The following BCL7A variants were observed in gnomAD, a reference collection of about 807,000 sequenced individuals.
BCL7A encodes the protein B-cell CLL/lymphoma 7 protein family member A.
A neutral mutation model predicts 28.4 loss-of-function variants in BCL7A; 11 were observed. The observed-to-expected ratio is 0.39, with a 90% CI of 0.24 to 0.64. The LOEUF (loss-of-function observed/expected upper bound fraction) is 0.64, where lower values mean the gene tolerates loss of function less well. BCL7A is among the 30% of genes least tolerant of loss of function. The pLI, the probability that BCL7A is intolerant of heterozygous loss-of-function variation, is 0.50. For synonymous variants in BCL7A, 123 were observed against 103.3 expected (o/e 1.19, Z -1.15); for missense variants, 222 against 274.8 (o/e 0.81, Z 1.36).
chr12:122,029,979 T>C lies in BCL7A; in HGVS notation c.93-721T>C, dbSNP rs1010964725. Among the ~76,000 whole-genome samples, 4 of 152,146 alleles carry C rather than the reference T, an allele frequency of 2.6e-5. No individual in the cohort carries two copies. On this transcript the variant is annotated intron_variant, in intron 1 of 5. Coordinates refer to ENST00000261822, the MANE Select transcript of BCL7A (RefSeq NM_001024808.3). The surrounding 1 kb of genome is among the most constrained non-coding windows in gnomAD (Gnocchi z 4.3). Reference sequence around the variant, plus strand: ...GTAAGTTTCTCCTCATCCATAAACCTGCCTCTCACAGTGGGGGGTCTGGAC... The same window carrying C: ...GTAAGTTTCTCCTCATCCATAAACCCGCCTCTCACAGTGGGGGGTCTGGAC...
Position 122,047,369 on chromosome 12 carries a change from A to C in BCL7A, c.439+3316A>C, listed in dbSNP as rs142474357. The stretch of plus-strand genomic sequence containing the variant: ...AAACCCCGTCTCTACTAAAAATACA[A>C]AAAAATTATCCGGGCATGGTATTGG... On this transcript the variant is annotated intron_variant, in intron 4 of 5. Transcript: ENST00000261822. Among the ~76,000 whole-genome samples the C allele has an allele frequency of 3.3e-3, 497 of 151,790 alleles. 4 individuals carry two copies. The highest frequency in any genetic ancestry group is 0.011 in the African/African-American group (464 of 41,448).
chr12:122,057,539 G>A (rs1453499509), intron 5 of BCL7A, among the ~76,000 whole-genome samples: 1 of 152,192 alleles, frequency 6.6e-6, no homozygotes, highest in Non-Finnish European at 1.5e-5. Context: ...TGGAGGGGGG[G>A]TGCGGGCGGA....
intron 5 of BCL7A, among the ~76,000 whole-genome samples, chr12:122,056,403 C>T: frequency 6.6e-6 from 1 of 152,122 alleles, no homozygotes. Context: ...GGGCCTCTTC[C>T]ACCATTTTCA....
chr12:122,055,322 C>A (rs760917298), intron 5 of BCL7A, among the ~76,000 whole-genome samples: 1 of 152,182 alleles, frequency 6.6e-6, no homozygotes, highest in Non-Finnish European at 1.5e-5. Context: ...TCCGACGGAG[C>A]GGTGCTGCTG....
At chr12:122,027,371 G>A (rs896310550) in intron 1 of BCL7A, among the ~76,000 whole-genome samples, 17 of 152,166 alleles carry the variant, frequency 1.1e-4, no homozygotes, top group African/African-American at 4.1e-4. Flanking sequence ...CTGGTTGTTT[G>A]CCATCCTAAA....
At position 122,022,004 on chromosome 12, in the gene BCL7A, G is replaced by A. The variant is rs2135832403; in HGVS notation, c.-88G>A. 5.3e-6 allele frequency: 6 copies of A among 1,128,862 alleles called. No individual in the cohort carries two copies. The highest frequency in any genetic ancestry group is 2.3e-5 in the Admixed American group (1 of 44,438). 69.9% of individuals were successfully genotyped at this position (1,128,862 alleles called of 1,614,324 possible). ...CGAGTGTCTGTGCGCGAGTGAGTGAGCGGCGGGCGGGCGCGAGTGTGGCCG... is the reference window on the plus strand; with the variant it reads ...CGAGTGTCTGTGCGCGAGTGAGTGAACGGCGGGCGGGCGCGAGTGTGGCCG... On this transcript the variant is annotated 5_prime_UTR_variant, in exon 1 of 6. Transcript: ENST00000261822.
At chr12:122,023,723 G>A (rs1482132812) in intron 1 of BCL7A, among the ~76,000 whole-genome samples, 2 of 152,296 alleles carry the variant, frequency 1.3e-5, no homozygotes, top group African/African-American at 2.4e-5. Context: ...CCCGACTGGA[G>A]CCATTTAAAA....
At chr12:122,041,323 C>T (rs901726957) in intron 3 of BCL7A, among the ~76,000 whole-genome samples, 1 of 152,148 alleles carries the variant, frequency 6.6e-6, no homozygotes, top group Non-Finnish European at 1.5e-5. Flanking sequence ...CTGCCCAGTG[C>T]CTGGCATGGT....
intron 5 of BCL7A, among the ~76,000 whole-genome samples, chr12:122,055,788 T>G (rs928896624): frequency 6.6e-6 from 1 of 152,130 alleles, no homozygotes; most frequent in African/African-American, 2.4e-5. Context: ...CTGGCTGATT[T>G]TTGTATTTTT....
chr12:122,050,629 A>G (rs1217002728), intron 4 of BCL7A, among the ~76,000 whole-genome samples: 2 of 152,120 alleles, frequency 1.3e-5, no homozygotes, highest in African/African-American at 4.8e-5. Flanking sequence ...CCTGGGCAGG[A>G]ACATCACCTC....
Position 122,060,737 on chromosome 12 carries a change from T to C in BCL7A, c.*1574T>C, listed in dbSNP as rs1951914510. ...GTGTGGCTCTTTCTCCTGACCATCATGGGAAGTGTCTGCTGGATTCCATTT... is the reference window on the plus strand; with the variant it reads ...GTGTGGCTCTTTCTCCTGACCATCACGGGAAGTGTCTGCTGGATTCCATTT... On this transcript the variant is annotated 3_prime_UTR_variant, in exon 6 of 6. Coordinates refer to ENST00000261822, the MANE Select transcript of BCL7A (RefSeq NM_001024808.3). The C allele has an allele frequency of 4.3e-6, 1 of 232,488 alleles. No individual in the cohort carries two copies. Among genetic ancestry groups the C allele is most frequent in the Non-Finnish European group, 8.5e-6 (1 of 117,510 alleles). The allele number at this position is 232,488 out of a possible 1,614,324, so 14.4% of individuals were successfully genotyped here. A position where few individuals can be genotyped will look rare whatever the true frequency, so the allele number is the denominator to read the frequency against.
intron 1 of BCL7A, among the ~76,000 whole-genome samples, chr12:122,025,388 G>A (rs989104329): frequency 3.3e-5 from 5 of 152,146 alleles, no homozygotes; most frequent in African/African-American, 1.2e-4. Context: ...CACTCTGGGA[G>A]GCCGGGCAGG....
intron 4 of BCL7A, among the ~76,000 whole-genome samples, chr12:122,052,886 T>G (rs61952892): frequency 7.8e-6 from 1 of 127,548 alleles, no homozygotes; most frequent in African/African-American, 2.9e-5. Flanking sequence ...GGGGGGGGTT[T>G]GCCATGTTGG....
In BCL7A at chr12:122,054,813, G is replaced by T. The variant is rs757604669; in HGVS notation, c.448G>T (p.Asp150Tyr). 6.2e-7 allele frequency: 1 copy of T among 1,613,924 alleles called. No homozygotes were observed. The highest frequency in any genetic ancestry group is 2.2e-5 in the East Asian group (1 of 44,884). The part of the protein sequence containing the change: ...KEHPGAEDAS[D>Y]EQNSQSSMEH... ...TCTTGCTCTTCCCTCAGATGCTTCTGATGAGCAGAATTCACAGTCCTCGAT... is the reference window on the plus strand; with the variant it reads ...TCTTGCTCTTCCCTCAGATGCTTCTTATGAGCAGAATTCACAGTCCTCGAT... Residue 150 changes from aspartate to tyrosine, a missense_variant, in exon 5 of 6, where the codon GAT becomes TAT. Transcript: ENST00000261822.
At chr12:122,023,520 TCAATAAAGTCCAC>T (rs1883526470) in intron 1 of BCL7A, among the ~76,000 whole-genome samples, 1 of 151,912 alleles carries the variant, frequency 6.6e-6, no homozygotes, top group African/African-American at 2.4e-5. Flanking sequence ...AAGAGGAAAA[TCAATAAAGTCCAC>T]GTGCTCCCCG....
intron 5 of BCL7A, among the ~76,000 whole-genome samples, chr12:122,058,727 A>G (rs974318113): frequency 2.6e-5 from 4 of 152,186 alleles, no homozygotes; most frequent in African/African-American, 7.2e-5. Flanking sequence ...CTAGCAATGA[A>G]TCATAGATGG....
intron 1 of BCL7A, among the ~76,000 whole-genome samples, chr12:122,022,467 G>C (rs1230044816): frequency 6.9e-6 from 1 of 145,380 alleles, no homozygotes; most frequent in Admixed American, 6.8e-5. Context: ...TGGAGCGGCG[G>C]GGCGGCCCCC....
Position 122,022,046 on chromosome 12 carries a change from G to C in BCL7A, c.-46G>C, listed in dbSNP as rs1452208929. 6.7e-7 allele frequency: 1 copy of C among 1,501,362 alleles called. No individual in the cohort carries two copies. The highest frequency in any genetic ancestry group is 9.0e-7 in the Non-Finnish European group (1 of 1,114,878). 93.0% of individuals were successfully genotyped at this position (1,501,362 alleles called of 1,614,324 possible). On this transcript the variant is annotated 5_prime_UTR_variant, in exon 1 of 6. Transcript: ENST00000261822. The stretch of plus-strand genomic sequence containing the variant: ...GTGTGGCCGCCGCGGAGCGCGAGCA[G>C]GACCCGGCGGGCGCGCTCCCCAGCC...
intron 3 of BCL7A, among the ~76,000 whole-genome samples, chr12:122,041,401 C>T (rs1463811362): frequency 1.3e-5 from 2 of 152,114 alleles, no homozygotes; most frequent in Non-Finnish European, 1.5e-5. Context: ...GCCATCGCCC[C>T]GGGTGCAGCA....
Sources: gnomAD v4.1 joint callset for allele counts (sites outside exome capture counted in the v4.1 genomes callset) on GRCh38, gnomAD v4.1.1 for gene constraint, Gnocchi (gnomAD v3.1) non-coding constraint, MANE v1.5 for transcripts, NCBI Gene and HGNC (gene_info 2026-07-23, HGNC 2026-07-21) for gene names.